The following MCMBP variants were observed in gnomAD, a reference collection of about 807,000 sequenced individuals.
MCMBP encodes the protein mini-chromosome maintenance complex-binding protein.
Under a neutral mutation model 81.3 loss-of-function variants are expected in MCMBP, and 31 were observed. The observed-to-expected ratio is 0.38, with a 90% CI of 0.29 to 0.51. MCMBP has a LOEUF of 0.51. MCMBP is among the 20% of genes least tolerant of loss of function. The pLI, the probability that MCMBP is intolerant of heterozygous loss-of-function variation, is 0.87. For missense variants in MCMBP, 645 were observed against 772.1 expected, an observed-to-expected ratio of 0.84 and a Z score of 1.95; for synonymous variants, 267 against 275.9, an observed-to-expected ratio of 0.97 and a Z score of 0.32.
rs775974076 is a variant in MCMBP at position 119,832,013 on chromosome 10, G to A, written c.1795C>T (p.Arg599Trp). ...CAATAATGGACGTGCGCCACTTACC[G>A]AGCCACCACGAGCAGCTGGTGAAGA... ...DDLHQLLVVA[R>W]CLSLSAGQTT... The change falls in exon 15 of 16, where the codon CGG becomes TGG. Residue 599 changes from arginine (R) to tryptophan (W), a missense_variant and splice_region_variant. By Grantham distance (101) the Arg-to-Trp change is moderately radical. Transcript: ENST00000369077. 1.2e-6 allele frequency: 2 copies of A among 1,608,786 alleles called. No homozygotes were observed. The highest frequency in any genetic ancestry group is 1.7e-6 in the Non-Finnish European group (2 of 1,178,108).
chr10:119,839,133 T>C (rs1369009500), intron 11 of MCMBP, among the ~76,000 whole-genome samples: 4 of 152,240 alleles, frequency 2.6e-5, no homozygotes, highest in South Asian at 2.1e-4. Context: ...TCATTTATCA[T>C]AGACATTTTT....
chr10:119,840,546 T>C (rs900492499), intron 11 of MCMBP, among the ~76,000 whole-genome samples: 9 of 152,190 alleles, frequency 5.9e-5, no homozygotes, highest in Non-Finnish European at 8.8e-5. Context: ...TTTAAGACTT[T>C]AGTGTACAAA....
At chr10:119,833,070 G>A (rs1423730339) in intron 14 of MCMBP, among the ~76,000 whole-genome samples, 1 of 152,166 alleles carries the variant, frequency 6.6e-6, no homozygotes, top group Non-Finnish European at 1.5e-5. Flanking sequence ...CTGAGGGCTT[G>A]CCCCAACTTT....
intron 1 of MCMBP, among the ~76,000 whole-genome samples, chr10:119,862,318 A>T (rs1488674353): frequency 1.3e-5 from 2 of 151,648 alleles, no homozygotes; most frequent in African/African-American, 2.4e-5. Context: ...CCCCCACACC[A>T]CCTCCTCCAC....
At chr10:119,844,140 G>A (rs369531150) in intron 8 of MCMBP, among the ~76,000 whole-genome samples, 2 of 152,156 alleles carry the variant, frequency 1.3e-5, no homozygotes, top group Admixed American at 6.5e-5. Flanking sequence ...ATTATTCAGC[G>A]TGTGGAGAAT....
intron 7 of MCMBP, among the ~76,000 whole-genome samples, chr10:119,848,502 ACT>A (rs1852698241): frequency 6.6e-6 from 1 of 152,100 alleles, no homozygotes; most frequent in African/African-American, 2.4e-5. Context: ...AATCTCAGCT[ACT>A]CAGGAGGCTG....
Position 119,835,687 on chromosome 10 carries a change from G to T in MCMBP, c.1560C>A (p.His520Gln), listed in dbSNP as rs1253112199. ...TTGGTGGAATTAGCTGGGGCTGTAA[G>T]TGAATCTGGCAGTCTGCCTGAAAAG... ...RSLLPADCQI[H>Q]LQPQLIPPNM... Residue 520 changes from histidine (H) to glutamine (Q), a missense_variant, in exon 14 of 16, where the codon CAC (histidine) becomes CAA (glutamine). Transcript: ENST00000369077. 5 of 1,614,238 alleles carry T rather than the reference G, an allele frequency of 3.1e-6. No homozygotes were observed. Among genetic ancestry groups the T allele is most frequent in the Non-Finnish European group, 4.2e-6 (5 of 1,180,038 alleles).
intron 5 of MCMBP, 46 bp from the exon 6 acceptor site, chr10:119,853,240 C>A: frequency 1.9e-6 from 3 of 1,556,364 alleles, no homozygotes; most frequent in South Asian, 1.2e-5. Context: ...TGAGGAATAT[C>A]CTAAAGTTTT....
intron 1 of MCMBP, among the ~76,000 whole-genome samples, chr10:119,869,104 G>A (rs77109135): frequency 2.0e-5 from 3 of 152,314 alleles, no homozygotes; most frequent in East Asian, 1.9e-4. Flanking sequence ...CTGTTCCAGC[G>A]TCCAGGAAAG....
At chr10:119,872,904 G>GGGGCGGCGGGAGCGCGCGGCGCA (rs1279012075), upstream of MCMBP, 7 of 152,496 alleles carry the variant, frequency 4.6e-5, no homozygotes, top group African/African-American at 1.2e-4. Flanking sequence ...CGCGTGGGGA[G>GGGGCGGCGGGAGCGCGCGGCGCA]GGGCGGCGGG....
chr10:119,835,425 A>G (rs1471522967), intron 14 of MCMBP, 115 bp downstream of exon 14: 1 of 957,848 alleles, frequency 1.0e-6, no homozygotes, highest in Non-Finnish European at 1.6e-6. Context: ...GGAATAAAAA[A>G]AGACATGACA....
chr10:119,850,843 G>C (rs907230690), intron 6 of MCMBP, among the ~76,000 whole-genome samples: 1 of 150,020 alleles, frequency 6.7e-6, no homozygotes, highest in Admixed American at 6.6e-5. Flanking sequence ...TACCACTGGG[G>C]GAAGTAGAGG....
chr10:119,858,267 A>G (rs939904481), intron 4 of MCMBP: 1 of 152,268 alleles, frequency 6.6e-6, no homozygotes, highest in African/African-American at 2.4e-5. Flanking sequence ...GAGTTGGTAC[A>G]CATGTTGCTC....
chr10:119,831,801 CTT>C lies in MCMBP; in HGVS notation c.1797-203_1797-202del, dbSNP rs559724936. Among the ~76,000 whole-genome samples the C allele has an allele frequency of 3.3e-4, 51 of 152,310 alleles. No individual in the cohort carries two copies. In the South Asian group the frequency reaches 0.011, roughly 32 times the overall value. ...AGTCAGAATTGGAAAGTGGCTCACT[CTT>C]TGAAGCTTAGAGAACAAGCAGCATG... On this transcript the variant is annotated intron_variant, in intron 15 of 15. Coordinates refer to ENST00000369077, the MANE Select transcript of MCMBP (RefSeq NM_001256378.2).
chr10:119,834,622 G>A (rs930314552), intron 14 of MCMBP, among the ~76,000 whole-genome samples: 5 of 151,814 alleles, frequency 3.3e-5, no homozygotes, highest in African/African-American at 1.2e-4. Flanking sequence ...TTCGAGACTA[G>A]CCTGGGCAAC....
intron 7 of MCMBP, among the ~76,000 whole-genome samples, chr10:119,848,490 G>A (rs1391121155): frequency 6.6e-6 from 1 of 152,058 alleles, no homozygotes; most frequent in Non-Finnish European, 1.5e-5. Context: ...GTGCATGCCT[G>A]TAATCTCAGC....
Position 119,835,585 on chromosome 10 carries a change from A to T in MCMBP, c.1662T>A (p.Thr554=). The T allele has an allele frequency of 6.2e-7, 1 of 1,614,238 alleles. No individual in the cohort carries two copies. Among genetic ancestry groups the T allele is most frequent in the Non-Finnish European group, 8.5e-7 (1 of 1,180,026 alleles). ...TGCTATATTCCAAGAATCTCAAAAGAGTTAGATAAATGCGGAATTTGTTCA... is the reference window on the plus strand; with the variant it reads ...TGCTATATTCCAAGAATCTCAAAAGTGTTAGATAAATGCGGAATTTGTTCA... The part of the protein sequence containing the change: ...SVLNKFRIYL[T]LLRFLEYSIS... Residue 554 remains threonine (T), a synonymous_variant, in exon 14 of 16, where the codon ACT becomes ACA. Coordinates refer to ENST00000369077, the MANE Select transcript of MCMBP (RefSeq NM_001256378.2).
intron 6 of MCMBP, 42 bp from the exon 7 acceptor site, chr10:119,849,618 C>T: frequency 6.6e-7 from 1 of 1,505,140 alleles, no homozygotes; most frequent in Non-Finnish European, 8.8e-7. Context: ...ATTTCTAAGG[C>T]CTCCTGGAGA....
At chr10:119,832,358 G>A (rs1166049031) in intron 14 of MCMBP, among the ~76,000 whole-genome samples, 1 of 152,178 alleles carries the variant, frequency 6.6e-6, no homozygotes, top group African/African-American at 2.4e-5. Flanking sequence ...AAGGAAGAGT[G>A]ATGTTAGTGA....
Sources: gnomAD v4.1 joint callset for allele counts (sites outside exome capture counted in the v4.1 genomes callset) on GRCh38, gnomAD v4.1.1 for gene constraint, MANE v1.5 for transcripts, NCBI Gene and HGNC (gene_info 2026-07-23, HGNC 2026-07-21) for gene names.